The following ZNF385D variants were observed in gnomAD, a reference collection of about 807,000 sequenced individuals.
ZNF385D encodes zinc finger protein 659.
Under a neutral mutation model 35.8 loss-of-function variants are expected in ZNF385D, and 15 were observed. The ratio of observed to expected loss-of-function variants is 0.42; its 90% confidence interval spans 0.28 to 0.64. The LOEUF (loss-of-function observed/expected upper bound fraction) is 0.64, where lower values mean the gene tolerates loss of function less well. ZNF385D is among the 30% of genes least tolerant of loss of function. The pLI is 0.23. For synonymous variants in ZNF385D, 212 were observed against 186.8 expected (o/e 1.13, Z -1.10); for missense variants, 474 against 494.6 (o/e 0.96, Z 0.39).
At chr3:22,057,136 C>G (rs542511555) in intron 3 of ZNF385D, among the ~76,000 whole-genome samples, 3 of 152,344 alleles carry the variant, frequency 2.0e-5, no homozygotes, top group African/African-American at 7.2e-5. Context: ...GTGTTTAAAA[C>G]TCAGGCTTTA....
At position 21,413,840 on chromosome 3, in the gene ZNF385D, A is replaced by C. The variant is rs147732610; in HGVS notation, c.*7374T>G. 1.3e-5 allele frequency: 2 copies of C among 152,238 alleles called. No individual in the cohort carries two copies. Among genetic ancestry groups the C allele is most frequent in the Admixed American group, 1.3e-4 (2 of 15,284 alleles). 9.4% of individuals were successfully genotyped at this position (152,238 alleles called of 1,614,324 possible). A position where few individuals can be genotyped will look rare whatever the true frequency, so the allele number is the denominator to read the frequency against. On this transcript the variant is annotated 3_prime_UTR_variant, in exon 8 of 8. Coordinates refer to ENST00000281523, the MANE Select transcript of ZNF385D (RefSeq NM_024697.3). ...ATAGTCACTAAATGCATGTGGATTAAAATATTTTTAGATCTCAAAACTAAA... is the reference window on the plus strand; with the variant it reads ...ATAGTCACTAAATGCATGTGGATTACAATATTTTTAGATCTCAAAACTAAA...
chr3:21,759,923 C>T (rs1026451529), intron 3 of ZNF385D, among the ~76,000 whole-genome samples: 8 of 152,024 alleles, frequency 5.3e-5, no homozygotes, highest in Non-Finnish European at 1.5e-5. Context: ...CAACTGAGCC[C>T]CAATGTTGCA....
chr3:21,931,173 T>A (rs988310110), intron 3 of ZNF385D, among the ~76,000 whole-genome samples: 20 of 152,120 alleles, frequency 1.3e-4, no homozygotes, highest in Non-Finnish European at 2.8e-4. Context: ...AAATGTCTAA[T>A]TAATAAGCAC....
chr3:22,216,171 G>C (rs1697870860), intron 2 of ZNF385D, among the ~76,000 whole-genome samples: 1 of 151,870 alleles, frequency 6.6e-6, no homozygotes, highest in African/African-American at 2.4e-5. Context: ...GTCTGACTTT[G>C]ATCACTTTGT....
At position 21,872,347 on chromosome 3, in the gene ZNF385D, G is replaced by A. The variant is rs1385992356; in HGVS notation, c.326-207319C>T. ...TATGTTGTAAAGACTTTGAGGTCAAGAACCATCTTTTCTATTATTCTTATA... is the reference window on the plus strand; with the variant it reads ...TATGTTGTAAAGACTTTGAGGTCAAAAACCATCTTTTCTATTATTCTTATA... On this transcript the variant is annotated intron_variant, in intron 3 of 5. Coordinates refer to the ZNF385D transcript ENST00000494108. 2.0e-5 allele frequency among the ~76,000 whole-genome samples: 3 copies of A among 152,126 alleles called. No individual in the cohort carries two copies. In the East Asian group the frequency reaches 5.8e-4, roughly 29 times the overall value.
intron 1 of ZNF385D, among the ~76,000 whole-genome samples, chr3:21,711,985 A>G (rs1351497608): frequency 2.0e-5 from 3 of 152,364 alleles, no homozygotes; most frequent in Middle Eastern, 3.4e-3. Flanking sequence ...ATAATATCCT[A>G]TAGCTGATTA....
intron 3 of ZNF385D, among the ~76,000 whole-genome samples, chr3:21,935,744 T>TA (rs1173373404): frequency 4.3e-5 from 1 of 23,364 alleles, no homozygotes; most frequent in Admixed American, 5.2e-4. Flanking sequence ...GCAGAGTAGA[T>TA]ACAACACTGG....
At position 22,352,278 on chromosome 3, in the gene ZNF385D, A is replaced by T. The variant is rs555039553; in HGVS notation, c.106+20172T>A. Among the ~76,000 whole-genome samples, 8 of 152,274 alleles carry T rather than the reference A, an allele frequency of 5.3e-5. No individual in the cohort carries two copies. In the East Asian group the frequency reaches 1.5e-3, roughly 29 times the overall value. On this transcript the variant is annotated intron_variant, in intron 2 of 5. Coordinates refer to the ZNF385D transcript ENST00000494108. ...TTGACAGGATTTCCTCCCATTCCTCATCTAATAAACTTATGAACATGTTCA... is the reference window on the plus strand; with the variant it reads ...TTGACAGGATTTCCTCCCATTCCTCTTCTAATAAACTTATGAACATGTTCA...
At chr3:22,163,421 G>T (rs183687350) in intron 3 of ZNF385D, among the ~76,000 whole-genome samples, 49 of 152,232 alleles carry the variant, frequency 3.2e-4, no homozygotes, top group Admixed American at 2.2e-3. Context: ...GCTTTTCACT[G>T]TGATCTTCAG....
chr3:22,126,939 CT>C (rs1703468255), intron 3 of ZNF385D, among the ~76,000 whole-genome samples: 1 of 151,966 alleles, frequency 6.6e-6, no homozygotes. Context: ...TTCTTTGTCC[CT>C]TTTTTGTGAT....
At position 21,635,108 on chromosome 3, in the gene ZNF385D, G is replaced by C. The variant is rs115942843; in HGVS notation, c.165+29778C>G. ...CAGAGAACAATATCACAGAAAGAGA[G>C]ATTTCTTTTATTTACCTATTTAGTC... On this transcript the variant is annotated intron_variant, in intron 2 of 7. Coordinates refer to ENST00000281523, the MANE Select transcript of ZNF385D (RefSeq NM_024697.3). Among the ~76,000 whole-genome samples the C allele has an allele frequency of 1.0e-2, 1,519 of 152,062 alleles. 20 individuals carry two copies. The highest frequency in any genetic ancestry group is 0.033 in the African/African-American group (1,349 of 41,484).
chr3:21,981,465 C>T (rs1400472370), intron 3 of ZNF385D, among the ~76,000 whole-genome samples: 1 of 152,054 alleles, frequency 6.6e-6, no homozygotes, highest in Non-Finnish European at 1.5e-5. Context: ...CTGGATGTTA[C>T]ACCTTTGTCA....
chr3:21,843,953 G>T (rs1695840339), intron 3 of ZNF385D, among the ~76,000 whole-genome samples: 1 of 151,900 alleles, frequency 6.6e-6, no homozygotes, highest in African/African-American at 2.4e-5. Context: ...AGGAACTCTA[G>T]TAGGGAGATA....
intron 2 of ZNF385D, among the ~76,000 whole-genome samples, chr3:21,647,983 A>C (rs1223545413): frequency 6.6e-6 from 1 of 152,214 alleles, no homozygotes; most frequent in Non-Finnish European, 1.5e-5. Flanking sequence ...AGACTTGACA[A>C]ATCTAGAGAA....
chr3:21,725,757 C>T (rs780071576), intron 1 of ZNF385D, among the ~76,000 whole-genome samples: 1 of 152,090 alleles, frequency 6.6e-6, no homozygotes, highest in African/African-American at 2.4e-5. Context: ...GAGGTACAAA[C>T]AGTAGCTGGT....
At chr3:21,976,084 GA>G (rs1346575423) in intron 3 of ZNF385D, among the ~76,000 whole-genome samples, 1 of 152,136 alleles carries the variant, frequency 6.6e-6, no homozygotes, top group African/African-American at 2.4e-5. Flanking sequence ...TGTATATGGG[GA>G]AAACTAGAGG....
intron 3 of ZNF385D, among the ~76,000 whole-genome samples, chr3:22,108,161 GAC>G (rs1304908111): frequency 6.6e-6 from 1 of 151,948 alleles, no homozygotes; most frequent in African/African-American, 2.4e-5. Flanking sequence ...AGTGAACTAA[GAC>G]ACAGAATAAA....
At chr3:22,100,725 C>G (rs1047780958) in intron 3 of ZNF385D, among the ~76,000 whole-genome samples, 13 of 151,416 alleles carry the variant, frequency 8.6e-5, no homozygotes, top group Non-Finnish European at 1.8e-4. Flanking sequence ...GGAGATATAC[C>G]TAATGCTAGA....
chr3:21,722,404 A>G (rs13318017), intron 1 of ZNF385D, among the ~76,000 whole-genome samples: 9,857 of 152,164 alleles, frequency 0.065, 712 homozygotes, highest in African/African-American at 0.18. Flanking sequence ...AAAGCTTGTA[A>G]CTATCTAGTG....
Sources: allele counts gnomAD v4.1 joint callset (sites outside exome capture counted in the v4.1 genomes callset), GRCh38; gene constraint gnomAD v4.1.1; transcripts MANE v1.5; gene names NCBI Gene and HGNC (gene_info 2026-07-23, HGNC 2026-07-21).